The following ROCK2 variants were observed in gnomAD, a reference collection of about 807,000 sequenced individuals.
ROCK2 encodes rho-associated protein kinase 2.
In ROCK2, 61 loss-of-function variants were observed where a neutral mutation model predicts 195.1. The observed-to-expected ratio is 0.31, with a 90% CI of 0.25 to 0.39. The LOEUF (loss-of-function observed/expected upper bound fraction) is 0.39, where lower values mean the gene tolerates loss of function less well. Among genes scored for constraint, ROCK2 ranks in the 10% least tolerant of loss-of-function variants. The pLI is 1.00. For synonymous variants in ROCK2, 504 were observed against 545.5 expected (o/e 0.92, Z 1.06); for missense variants, 1,109 against 1,637.4 (o/e 0.68, Z 5.57).
intron 3 of ROCK2, among the ~76,000 whole-genome samples, chr2:11,261,027 C>T (rs1213028770): frequency 6.6e-6 from 1 of 152,188 alleles, no homozygotes; most frequent in Non-Finnish European, 1.5e-5. Context: ...TAGTGGCTGG[C>T]ACAATGCTAA....
Position 11,249,651 on chromosome 2 carries a change from G to A in ROCK2, c.462+10C>T. ...AAAGGAAATAAACTTATAAAAGTTAGTATGCTTACCTGAACCACCCAGGGG... is the reference window on the plus strand; with the variant it reads ...AAAGGAAATAAACTTATAAAAGTTAATATGCTTACCTGAACCACCCAGGGG... On this transcript the variant is annotated intron_variant, in intron 4 of 32. Coordinates refer to ENST00000315872, the MANE Select transcript of ROCK2 (RefSeq NM_004850.5). 1 of 1,463,636 alleles carries A rather than the reference G, an allele frequency of 6.8e-7. No individual in the cohort carries two copies. The highest frequency in any genetic ancestry group is 2.6e-5 in the Admixed American group (1 of 38,304). 90.7% of individuals were successfully genotyped at this position (1,463,636 alleles called of 1,614,324 possible).
Position 11,211,825 on chromosome 2 carries a change from C to T in ROCK2, c.2059G>A (p.Glu687Lys), listed in dbSNP as rs750735443. ...TTTAGTTGGTATGTCATATCTATTT[C>T]CATGTTGCTTTTTTCCTATTAAATA... is the stretch of plus-strand genomic sequence containing the variant. ...TDLEKEKSNM[E>K]IDMTYQLKVI... The change falls in exon 18 of 33, where the codon GAA (glutamate) becomes AAA (lysine). Residue 687 changes from glutamate to lysine, a missense_variant. Around this residue, in one of 6 missense-constraint regions of ROCK2, gnomAD observed 542 missense variants for 672.0 expected, o/e 0.81. Transcript: ENST00000315872. The T allele has an allele frequency of 6.3e-7, 1 of 1,590,230 alleles. No individual in the cohort carries two copies. Among genetic ancestry groups the T allele is most frequent in the East Asian group, 2.2e-5 (1 of 44,680 alleles).
At chr2:11,285,281 AAT>A (rs1553312229) in intron 3 of ROCK2, among the ~76,000 whole-genome samples, 25 of 151,106 alleles carry the variant, frequency 1.7e-4, no homozygotes, top group African/African-American at 5.8e-4. Flanking sequence ...AAAAAAAAAA[AAT>A]GTTTAATAGG....
In ROCK2 at chr2:11,181,850, C is replaced by T. The variant is rs1437214293; in HGVS notation, c.*1587G>A. On this transcript the variant is annotated 3_prime_UTR_variant, in exon 33 of 33. Transcript: ENST00000315872. ...GTTTCACTATGTTGGGCAGGCTGGT[C>T]TTGAACTCCTCACCTCAGGTGATCC... The T allele has an allele frequency of 1.3e-5, 2 of 152,000 alleles. No individual in the cohort carries two copies. The highest frequency in any genetic ancestry group is 4.8e-5 in the African/African-American group (2 of 41,386). 9.4% of individuals were successfully genotyped at this position (152,000 alleles called of 1,614,324 possible).
intron 3 of ROCK2, among the ~76,000 whole-genome samples, chr2:11,253,535 G>A (rs1665911263): frequency 6.6e-6 from 1 of 152,160 alleles, no homozygotes; most frequent in Non-Finnish European, 1.5e-5. Flanking sequence ...TTCCTGGTAG[G>A]TATCATAATT....
chr2:11,300,800 C>G (rs1021314404), intron 1 of ROCK2, among the ~76,000 whole-genome samples: 1 of 152,090 alleles, frequency 6.6e-6, no homozygotes, highest in Admixed American at 6.5e-5. Context: ...CCCAAGAAGT[C>G]TCCTAAGTTG....
chr2:11,313,574 T>G, intron 1 of ROCK2, among the ~76,000 whole-genome samples: 1 of 152,026 alleles, frequency 6.6e-6, no homozygotes, highest in East Asian at 1.9e-4. Context: ...AACCTCTTTA[T>G]GTTAAAAATA....
intron 3 of ROCK2, among the ~76,000 whole-genome samples, chr2:11,261,278 T>C (rs1043296739): frequency 2.0e-5 from 3 of 152,204 alleles, no homozygotes; most frequent in South Asian, 2.1e-4. Flanking sequence ...ACCATACCTT[T>C]ATAATTCGTT....
At position 11,254,727 on chromosome 2, in the gene ROCK2, TAAAAAAAAAAAA is replaced by T. The variant is rs10640683; in HGVS notation, c.325-4941_325-4930del. ...TAGGCAACAGTGAGACCCTGTCTCT[TAAAAAAAAAAAA>T]AAAAAAAAAAAAAAAAAGGTAGAGA... On this transcript the variant is annotated intron_variant, in intron 3 of 32. Transcript: ENST00000315872. Among the ~76,000 whole-genome samples, 9 of 39,126 alleles carry T rather than the reference TAAAAAAAAAAAA, an allele frequency of 2.3e-4. No homozygotes were observed. The East Asian group carries it at 4.4e-3, about 19-fold the overall frequency. 25.7% of individuals were successfully genotyped at this position (39,126 alleles called of 152,430 possible).
intron 1 of ROCK2, chr2:11,308,888 T>C (rs545562233): frequency 4.3e-6 from 7 of 1,611,896 alleles, no homozygotes; most frequent in African/African-American, 2.7e-5. Flanking sequence ...ATTGCAATTA[T>C]TGACCAAGAA....
In ROCK2 at chr2:11,202,086, A is replaced by C. The variant is rs768794358; in HGVS notation, c.2585T>G (p.Leu862Arg). The C allele has an allele frequency of 6.2e-7, 1 of 1,613,890 alleles. No individual in the cohort carries two copies. The highest frequency in any genetic ancestry group is 1.1e-5 in the South Asian group (1 of 91,078). ...RQDADGQMKE[L>R]QDQLEAEQYF... is the part of the protein sequence containing the mutation. ...CTGTTCTGCTTCGAGCTGATCCTGG[A>C]GCTCTTTCATTTGCCCATCTGCATC... Residue 862 changes from leucine to arginine, a missense_variant, in exon 21 of 33, where the codon CTC becomes CGC. This residue lies in a region of ROCK2 where 542 missense variants were observed against 672.0 expected (regional missense o/e 0.81). Transcript: ENST00000315872.
At chr2:11,328,389 C>G (rs1668612793) in intron 1 of ROCK2, among the ~76,000 whole-genome samples, 5 of 152,170 alleles carry the variant, frequency 3.3e-5, no homozygotes, top group Non-Finnish European at 7.3e-5. Context: ...CTGTTATACA[C>G]ATAGTTTTTC....
chr2:11,252,483 T>C (rs933551420), intron 3 of ROCK2, among the ~76,000 whole-genome samples: 2 of 152,046 alleles, frequency 1.3e-5, no homozygotes, highest in African/African-American at 2.4e-5. Flanking sequence ...ATCATTCTAC[T>C]ATGAAGACAC....
At chr2:11,337,209 C>A (rs1668956286) in intron 1 of ROCK2, among the ~76,000 whole-genome samples, 1 of 151,044 alleles carries the variant, frequency 6.6e-6, no homozygotes, top group Non-Finnish European at 1.5e-5. Flanking sequence ...TGTGCCACTG[C>A]ACTCCAGCCT....
intron 1 of ROCK2, among the ~76,000 whole-genome samples, chr2:11,336,665 G>A (rs1182042930): frequency 6.6e-6 from 1 of 152,150 alleles, no homozygotes; most frequent in Non-Finnish European, 1.5e-5. Context: ...TCAGTAAACT[G>A]ACTTTTAACA....
Position 11,194,335 on chromosome 2 carries a change from C to T in ROCK2, c.3529G>A (p.Val1177Ile). 1.4e-6 allele frequency: 2 copies of T among 1,391,084 alleles called. No individual in the cohort carries two copies. The highest frequency in any genetic ancestry group is 1.9e-6 in the Non-Finnish European group (2 of 1,025,718). 86.2% of individuals were successfully genotyped at this position (1,391,084 alleles called of 1,614,324 possible). The change falls in exon 29 of 33, where the codon GTA (valine) becomes ATA (isoleucine). Residue 1177 changes from valine (V) to isoleucine (I), a missense_variant. By Grantham distance (29) the Val-to-Ile change is conservative. This residue lies in a region of ROCK2 where 221 missense variants were observed against 355.1 expected (regional missense o/e 0.62). Transcript: ENST00000315872. ...TAGAAAAGAATCTTCTTACTGCTTA[C>T]AATCACATACTGTTAAAACAGGGAG... The part of the protein sequence containing the change: ...KFGWVKKYVI[V>I]SSKKILFYDS...
intron 3 of ROCK2, among the ~76,000 whole-genome samples, chr2:11,265,043 G>T (rs370321368): frequency 2.0e-5 from 3 of 152,148 alleles, no homozygotes; most frequent in African/African-American, 7.2e-5. Context: ...TCCTAACTAC[G>T]TGAGTTTAAT....
In ROCK2 at chr2:11,183,236, G is replaced by A; in HGVS notation, c.*201C>T. 2.0e-6 allele frequency: 1 copy of A among 492,894 alleles called. No homozygotes were observed. The highest frequency in any genetic ancestry group is 3.7e-6 in the Non-Finnish European group (1 of 272,094). The allele number at this position is 492,894 out of a possible 1,614,324, so 30.5% of individuals were successfully genotyped here. A position where few individuals can be genotyped will look rare whatever the true frequency, so the allele number is the denominator to read the frequency against. On this transcript the variant is annotated 3_prime_UTR_variant, in exon 33 of 33. Coordinates refer to ENST00000315872, the MANE Select transcript of ROCK2 (RefSeq NM_004850.5). Reference sequence around the variant, plus strand: ...CTTAGTCTATCAACCAATCATTGTTGGTTCAACCTGTTGCTTCAAAGGAGC... The same window carrying A: ...CTTAGTCTATCAACCAATCATTGTTAGTTCAACCTGTTGCTTCAAAGGAGC...
At chr2:11,315,741 G>C (rs1483092524) in intron 1 of ROCK2, among the ~76,000 whole-genome samples, 1 of 151,934 alleles carries the variant, frequency 6.6e-6, no homozygotes, top group Non-Finnish European at 1.5e-5. Context: ...AGCTTCACAG[G>C]GATTAAAGAT....
Sources: allele counts gnomAD v4.1 joint callset (sites outside exome capture counted in the v4.1 genomes callset), GRCh38; gene constraint gnomAD v4.1.1; regional missense constraint gnomAD v4.1.1; transcripts MANE v1.5; gene names NCBI Gene and HGNC (gene_info 2026-07-23, HGNC 2026-07-21).